The following TG variants were observed in gnomAD, a reference collection of about 807,000 sequenced individuals.
TG encodes thyroglobulin, also known as thyroid hormones.
In TG, 270 loss-of-function variants were observed where a neutral mutation model predicts 324.7. That is an observed-to-expected ratio of 0.83 (90% CI 0.75 to 0.92). The LOEUF is 0.92. Among genes scored for constraint, TG ranks in the 40% least tolerant of loss-of-function variants. TG has a pLI of 0.00. For missense variants in TG, 3,591 were observed against 3,456.4 expected (o/e 1.04, Z -0.98); for synonymous variants, 1,401 against 1,327.0 (o/e 1.06, Z -1.21).
At chr8:133,014,950 A>G (rs1038007105) in intron 37 of TG, among the ~76,000 whole-genome samples, 2 of 152,148 alleles carry the variant, frequency 1.3e-5, no homozygotes, top group Non-Finnish European at 2.9e-5. Flanking sequence ...CAGTTGCACA[A>G]TCTCGGGTCA....
At chr8:132,944,668 C>G (rs1824966366) in intron 26 of TG, among the ~76,000 whole-genome samples, 1 of 152,172 alleles carries the variant, frequency 6.6e-6, no homozygotes, top group Admixed American at 6.5e-5. Context: ...TACTCCCCCT[C>G]CCACCCCCAC....
intron 5 of TG, among the ~76,000 whole-genome samples, chr8:132,881,532 A>G (rs1435990627): frequency 1.3e-5 from 2 of 152,190 alleles, no homozygotes; most frequent in Admixed American, 1.3e-4. Context: ...GAACCAGTTA[A>G]TGCGATTTTC....
chr8:133,039,868 G>T (rs2131069041), intron 41 of TG: 1 of 1,451,188 alleles, frequency 6.9e-7, no homozygotes, highest in African/African-American at 1.4e-5. Flanking sequence ...CCCAGTTTCA[G>T]CAGGGCTGGC....
chr8:132,933,886 G>A (rs1232247686), intron 24 of TG, among the ~76,000 whole-genome samples: 1 of 152,158 alleles, frequency 6.6e-6, no homozygotes, highest in Non-Finnish European at 1.5e-5. Flanking sequence ...GGAGTAAGGG[G>A]CGTCTGCTTG....
intron 41 of TG, among the ~76,000 whole-genome samples, chr8:133,055,361 GCGCGCACACACACACACACACACA>G (rs1841219967): frequency 3.8e-5 from 5 of 131,658 alleles, no homozygotes; most frequent in African/African-American, 1.3e-4. Context: ...ACACACGCAC[GCGCGCACACACACACACACACACA>G]CACACACACA....
intron 30 of TG, among the ~76,000 whole-genome samples, chr8:132,967,110 GATCC>G (rs58544413): frequency 0.074 from 9,550 of 129,044 alleles, 575 homozygotes; most frequent in African/African-American, 0.18. Context: ...CCATCCATTC[GATCC>G]ATCCATCCAT....
At chr8:132,878,129 A>G (rs150826343) in intron 5 of TG, among the ~76,000 whole-genome samples, 2,484 of 152,234 alleles carry the variant, frequency 0.016, 32 homozygotes, top group Middle Eastern at 0.054. Context: ...AAAATAGTCT[A>G]AGTTACTTGG....
chr8:133,017,629 C>A, intron 37 of TG, 149 bp from the exon 38 acceptor site: 2 of 782,982 alleles, frequency 2.6e-6, no homozygotes, highest in Non-Finnish European at 4.3e-6. Context: ...TACATTTAAG[C>A]TGTAGGGGTC....
chr8:133,073,732 T>C (rs1844433578), intron 41 of TG, among the ~76,000 whole-genome samples: 1 of 152,066 alleles, frequency 6.6e-6, no homozygotes, highest in Admixed American at 6.6e-5. Flanking sequence ...AGGGCACCAC[T>C]TTAAACACAG....
intron 5 of TG, among the ~76,000 whole-genome samples, chr8:132,879,597 G>T (rs1426687820): frequency 5.3e-5 from 8 of 152,226 alleles, no homozygotes; most frequent in Non-Finnish European, 1.2e-4. Context: ...AGGGATTAAA[G>T]ATGGCAGCAC....
Position 132,935,840 on chromosome 8 carries a change from T to C in TG, c.5017T>C (p.Ser1673Pro). Residue 1673 changes from serine to proline, a missense_variant, in exon 25 of 48, where the codon TCT (serine) becomes CCT (proline). Coordinates refer to ENST00000220616, the MANE Select transcript of TG (RefSeq NM_003235.5). ...GAAAGTGAGGAGCCATGGTCAAGAT[T>C]CTCCAGCTGTGTATTTGAAAAAGGG... is the stretch of plus-strand genomic sequence containing the variant. ...QVKVRSHGQD[S>P]PAVYLKKGQG... The C allele has an allele frequency of 1.2e-6, 2 of 1,612,582 alleles. No homozygotes were observed. The highest frequency in any genetic ancestry group is 1.7e-6 in the Non-Finnish European group (2 of 1,180,012).
intron 41 of TG, among the ~76,000 whole-genome samples, chr8:133,062,316 T>TC (rs940775285): frequency 5.3e-5 from 8 of 152,310 alleles, no homozygotes; most frequent in African/African-American, 1.4e-4. Context: ...ACACCTGCAG[T>TC]CCAGGAGGGC....
intron 41 of TG, chr8:133,049,801 T>G (rs1221011324): frequency 1.2e-6 from 1 of 846,694 alleles, no homozygotes; most frequent in Non-Finnish European, 2.0e-6. Context: ...CTTGACCCAG[T>G]GCCTTCCTTA....
intron 21 of TG, 65 bp from the exon 22 acceptor site, chr8:132,923,273 G>C (rs753357422): frequency 9.5e-6 from 15 of 1,575,878 alleles, no homozygotes; most frequent in Non-Finnish European, 1.3e-5. Flanking sequence ...CCGAGAGCCT[G>C]GGAGTAGGAG....
At chr8:132,996,607 A>G (rs1022210228) in intron 35 of TG, among the ~76,000 whole-genome samples, 13 of 152,206 alleles carry the variant, frequency 8.5e-5, no homozygotes, top group African/African-American at 3.1e-4. Context: ...TTTGATCTCA[A>G]GGAGCTCATG....
chr8:133,063,968 T>C (rs778560589), intron 41 of TG: 16 of 152,212 alleles, frequency 1.1e-4, no homozygotes, highest in Non-Finnish European at 1.9e-4. Context: ...ACCGGAGACA[T>C]AATTGCTTCT....
intron 45 of TG, 73 bp downstream of exon 45, chr8:133,116,789 A>G: frequency 1.7e-6 from 2 of 1,200,954 alleles, no homozygotes; most frequent in Non-Finnish European, 2.5e-6. Flanking sequence ...GACATGGGAC[A>G]CACCACTTAA....
At chr8:133,039,950 C>T (rs1343888385) in intron 41 of TG, 1 of 1,480,962 alleles carries the variant, frequency 6.8e-7, no homozygotes, top group Non-Finnish European at 8.9e-7. Context: ...AGAGCACTTG[C>T]ATGCACACAC....
At chr8:133,041,699 C>G (rs1838273714) in intron 41 of TG, among the ~76,000 whole-genome samples, 1 of 152,016 alleles carries the variant, frequency 6.6e-6, no homozygotes, top group Non-Finnish European at 1.5e-5. Flanking sequence ...AAAAGAACCA[C>G]CACTCATAAG....
Sources: allele counts gnomAD v4.1 joint callset (sites outside exome capture counted in the v4.1 genomes callset), GRCh38; gene constraint gnomAD v4.1.1; transcripts MANE v1.5; gene names NCBI Gene and HGNC (gene_info 2026-07-23, HGNC 2026-07-21).